The following STAT5B variants were observed in gnomAD, a reference collection of about 807,000 sequenced individuals.
The protein encoded by STAT5B is signal transducer and activator of transcription 5B, also known as transcription factor STAT5B.
In STAT5B, 21 loss-of-function variants were observed where a neutral mutation model predicts 107.8. The observed-to-expected ratio is 0.19, with a 90% CI of 0.14 to 0.28. The LOEUF is 0.28. Ranked by LOEUF, STAT5B falls within the 10% of genes least tolerant of loss-of-function variation. The probability of loss-of-function intolerance (pLI) is 1.00; values close to 1 mark genes in which losing one functional copy is unlikely to be tolerated. For missense variants in STAT5B, 565 were observed against 1,008.2 expected, an observed-to-expected ratio of 0.56 and a Z score of 5.95; for synonymous variants, 325 against 401.7, an observed-to-expected ratio of 0.81 and a Z score of 2.28.
chr17:42,224,224 A>T (rs1359042764), intron 4 of STAT5B, among the ~76,000 whole-genome samples: 1 of 152,154 alleles, frequency 6.6e-6, no homozygotes, highest in Non-Finnish European at 1.5e-5. Flanking sequence ...GAATATGAGC[A>T]TGCCTTTACT....
intron 3 of STAT5B, among the ~76,000 whole-genome samples, chr17:42,225,101 C>T (rs1798504753): frequency 2.0e-5 from 3 of 152,088 alleles, no homozygotes; most frequent in Non-Finnish European, 4.4e-5. Flanking sequence ...GTTGCCCAGG[C>T]TGGAGTGCAG....
At chr17:42,267,310 C>G (rs1274555199) in intron 1 of STAT5B, among the ~76,000 whole-genome samples, 1 of 151,914 alleles carries the variant, frequency 6.6e-6, no homozygotes, top group Non-Finnish European at 1.5e-5. Flanking sequence ...AACTGTAAAA[C>G]AGCCTCAGGC....
intron 3 of STAT5B, among the ~76,000 whole-genome samples, chr17:42,226,870 A>C (rs2080277170): frequency 6.6e-6 from 1 of 150,412 alleles, no homozygotes. Flanking sequence ...CATGCCTATA[A>C]TTTCAACACT....
At chr17:42,262,789 CATAT>C (rs1218806822) in intron 1 of STAT5B, among the ~76,000 whole-genome samples, 1 of 116,328 alleles carries the variant, frequency 8.6e-6, no homozygotes, top group African/African-American at 3.5e-5. Flanking sequence ...TATATATACA[CATAT>C]ATATGTGTGT....
intron 2 of STAT5B, among the ~76,000 whole-genome samples, chr17:42,231,455 C>A (rs2080316998): frequency 6.6e-6 from 1 of 152,140 alleles, no homozygotes; most frequent in South Asian, 2.1e-4. Context: ...GATCCTCCCA[C>A]CTCAGCCTCC....
At chr17:42,223,688 C>T in intron 4 of STAT5B, 132 bp from the exon 5 acceptor site, 11 of 1,032,236 alleles carry the variant, frequency 1.1e-5, no homozygotes, top group Middle Eastern at 2.2e-4. Flanking sequence ...GGAGGAAAAG[C>T]AAACGTCATC....
chr17:42,220,462 C>CCT (rs2080215423), intron 5 of STAT5B, among the ~76,000 whole-genome samples: 1 of 152,172 alleles, frequency 6.6e-6, no homozygotes, highest in African/African-American at 2.4e-5. Context: ...CGCAGCAAGG[C>CCT]CTCTTCAGGG....
intron 1 of STAT5B, among the ~76,000 whole-genome samples, chr17:42,259,891 T>C (rs892916616): frequency 6.6e-6 from 1 of 152,184 alleles, no homozygotes; most frequent in Non-Finnish European, 1.5e-5. Context: ...CCAGGATACA[T>C]GTGCAGGATG....
intron 1 of STAT5B, among the ~76,000 whole-genome samples, chr17:42,239,320 G>A (rs1442273614): frequency 1.3e-5 from 2 of 150,936 alleles, no homozygotes; most frequent in African/African-American, 4.9e-5. Flanking sequence ...GAACAGAGAG[G>A]ACTAAGCCAG....
At chr17:42,262,777 T>C (rs530889926) in intron 1 of STAT5B, among the ~76,000 whole-genome samples, 1 of 133,794 alleles carries the variant, frequency 7.5e-6, no homozygotes, top group Non-Finnish European at 1.6e-5. Flanking sequence ...TACATATATG[T>C]ATATATATAC....
chr17:42,277,819 G>T (rs1479131807), upstream of STAT5B, among the ~76,000 whole-genome samples: 1 of 150,078 alleles, frequency 6.7e-6, no homozygotes, highest in South Asian at 2.1e-4. Flanking sequence ...GAAATGGTGC[G>T]GTCTCAGCTC....
rs202245590 is a variant in STAT5B at position 42,219,846 on chromosome 17, G to C, written c.551-4C>G. 9.3e-6 allele frequency: 15 copies of C among 1,614,190 alleles called. No homozygotes were observed. Among genetic ancestry groups the C allele is most frequent in the Non-Finnish European group, 1.2e-5 (14 of 1,180,016 alleles). On this transcript the variant is annotated splice_region_variant and splice_polypyrimidine_tract_variant and intron_variant, in intron 5 of 18. Transcript: ENST00000293328. ...TGGGCCAGCGGGCCAAACTGAGCTAGAGGAGGGGAGAGGAAACCATGACCA... is the reference window on the plus strand; with the variant it reads ...TGGGCCAGCGGGCCAAACTGAGCTACAGGAGGGGAGAGGAAACCATGACCA...
chr17:42,226,309 A>G (rs1598309893), intron 3 of STAT5B, among the ~76,000 whole-genome samples: 1 of 152,160 alleles, frequency 6.6e-6, no homozygotes, highest in Non-Finnish European at 1.5e-5. Context: ...ATTAAAGGAG[A>G]TTAAAGAGAC....
intron 1 of STAT5B, among the ~76,000 whole-genome samples, chr17:42,248,259 T>C (rs1287775171): frequency 7.2e-5 from 10 of 138,442 alleles, no homozygotes; most frequent in Non-Finnish European, 1.2e-4. Flanking sequence ...TGGGTGACAT[T>C]GTAAGATCTT....
At chr17:42,217,563 G>T (rs867303494) in intron 9 of STAT5B, 99 bp from the exon 10 acceptor site, 1 of 1,328,334 alleles carries the variant, frequency 7.5e-7, no homozygotes, top group Non-Finnish European at 1.1e-6. Context: ...AGAGAAGTTT[G>T]CTAAAAATGT....
intron 7 of STAT5B, among the ~76,000 whole-genome samples, 163 bp downstream of exon 7, chr17:42,219,149 A>T (rs2080201399): frequency 6.6e-6 from 1 of 152,204 alleles, no homozygotes; most frequent in African/African-American, 2.4e-5. Flanking sequence ...GGAGGTGCAC[A>T]GGATGGGGGC....
At position 42,276,164 on chromosome 17, in the gene STAT5B, G is replaced by C. The variant is rs1370204411; in HGVS notation, c.-11+84C>G. On this transcript the variant is annotated intron_variant, in intron 1 of 18. Transcript: ENST00000293328. This position sits in a 1 kb window ranked among gnomAD's most constrained non-coding sequence, Gnocchi z 4.8. ...GCGCGGCCCTGACGGGCGGCTGAGC[G>C]GCTGGAGCGCGGGCCCCGCCCGGGC... is the stretch of plus-strand genomic sequence containing the variant. The C allele has an allele frequency of 1.3e-5, 2 of 148,762 alleles. No individual in the cohort carries two copies. Among genetic ancestry groups the C allele is most frequent in the African/African-American group, 4.9e-5 (2 of 40,960 alleles). The allele number at this position is 148,762 out of a possible 1,614,324, so 9.2% of individuals were successfully genotyped here. A position where few individuals can be genotyped will look rare whatever the true frequency, so the allele number is the denominator to read the frequency against.
At chr17:42,218,110 T>G in intron 9 of STAT5B, 41 bp downstream of exon 9, 54 of 1,602,806 alleles carry the variant, frequency 3.4e-5, no homozygotes, top group Non-Finnish European at 4.2e-5. Context: ...TGCCAGGACA[T>G]GAGACAAGTA....
upstream of STAT5B, among the ~76,000 whole-genome samples, chr17:42,278,752 C>T (rs997175538): frequency 2.0e-5 from 3 of 151,868 alleles, no homozygotes; most frequent in Non-Finnish European, 4.4e-5. Context: ...AAGCCAAGGT[C>T]GGTGGATCAC....
Sources: allele counts gnomAD v4.1 joint callset (sites outside exome capture counted in the v4.1 genomes callset), GRCh38; gene constraint gnomAD v4.1.1; non-coding constraint Gnocchi (gnomAD v3.1); transcripts MANE v1.5; gene names NCBI Gene and HGNC (gene_info 2026-07-23, HGNC 2026-07-21).